The following ULK1 variants were observed in gnomAD, a reference collection of about 807,000 sequenced individuals.
ULK1 encodes unc-51 like autophagy activating kinase 1, also known as serine/threonine-protein kinase ULK1.
Under a neutral mutation model 117.5 loss-of-function variants are expected in ULK1, and 48 were observed. That is an observed-to-expected ratio of 0.41 (90% confidence interval 0.32 to 0.52). The LOEUF is 0.52. ULK1 is among the 20% of genes least tolerant of loss of function. The probability of loss-of-function intolerance (pLI) is 0.29; values close to 1 mark genes in which losing one functional copy is unlikely to be tolerated. For synonymous variants in ULK1, 790 were observed against 637.8 expected (o/e 1.24, Z -3.60); for missense variants, 1,387 against 1,473.4 (o/e 0.94, Z 0.96).
Position 131,921,431 on chromosome 12 carries a change from TC to T in ULK1, c.*72del. ...AGTGGGCTCTGTGTGCTGGCTGGAC[TC>T]CTCGGGACAAGCCCATGGCGCTGAT... On this transcript the variant is annotated 3_prime_UTR_variant, in exon 28 of 28. Coordinates refer to ENST00000321867, the MANE Select transcript of ULK1 (RefSeq NM_003565.4). The T allele has an allele frequency of 6.3e-7, 1 of 1,590,036 alleles. No homozygotes were observed. The highest frequency in any genetic ancestry group is 1.1e-5 in the South Asian group (1 of 90,860).
chr12:131,922,465 ATGT>A lies in ULK1; in HGVS notation c.*1105_*1107del. On this transcript the variant is annotated 3_prime_UTR_variant, in exon 28 of 28. Transcript: ENST00000321867. ...CGTCCAGCTTTGACAGTCAGTTTTGATGTCAGCTCCTCGGCAGGGTAGGCCTGA... is the reference window on the plus strand; with the variant it reads ...CGTCCAGCTTTGACAGTCAGTTTTGACAGCTCCTCGGCAGGGTAGGCCTGA... 1 of 175,598 alleles carries A rather than the reference ATGT, an allele frequency of 5.7e-6. No homozygotes were observed. Among genetic ancestry groups the A allele is most frequent in the South Asian group, 1.1e-4 (1 of 8,816 alleles). 10.9% of individuals were successfully genotyped at this position (175,598 alleles called of 1,614,324 possible). A position where few individuals can be genotyped will look rare whatever the true frequency, so the allele number is the denominator to read the frequency against.
rs773858872 is a variant in ULK1 at position 131,909,760 on chromosome 12, T to G, written c.667-15T>G. ...GGCCGCAGCCCTGGCAGTCAGGCTG[T>G]CCCCGTCCCCGCAGGCCAGCAGCCC... On this transcript the variant is annotated splice_polypyrimidine_tract_variant and intron_variant, in intron 8 of 27. Coordinates refer to ENST00000321867, the MANE Select transcript of ULK1 (RefSeq NM_003565.4). The G allele has an allele frequency of 1.9e-5, 31 of 1,592,886 alleles. No homozygotes were observed. Among genetic ancestry groups the G allele is most frequent in the Middle Eastern group, 1.7e-4 (1 of 5,964 alleles).
chr12:131,908,468 C>T (rs1274545746), intron 5 of ULK1, among the ~76,000 whole-genome samples, 176 bp from the exon 6 acceptor site: 1 of 151,604 alleles, frequency 6.6e-6, no homozygotes, highest in Non-Finnish European at 1.5e-5. Context: ...GCTTCAGGTG[C>T]GCCCTGGTCT....
intron 13 of ULK1, 83 bp from the exon 14 acceptor site, chr12:131,913,115 G>T: frequency 7.4e-7 from 1 of 1,353,686 alleles, no homozygotes; most frequent in African/African-American, 1.5e-5. Flanking sequence ...TGTGCGTGGG[G>T]ATCCAGCAGA....
intron 14 of ULK1, 33 bp downstream of exon 14, chr12:131,913,291 G>A (rs2136398063): frequency 6.6e-7 from 1 of 1,513,542 alleles, no homozygotes; most frequent in Non-Finnish European, 8.8e-7. Flanking sequence ...TGTATTTTAG[G>A]GGAGAGAAAC....
chr12:131,906,563 T>C, intron 3 of ULK1: 1 of 355,962 alleles, frequency 2.8e-6, no homozygotes, highest in Non-Finnish European at 5.2e-6. Flanking sequence ...CTGAGAAGCT[T>C]CTATGGCCTG....
chr12:131,907,027 C>A, intron 4 of ULK1, 103 bp downstream of exon 4: 3 of 1,495,440 alleles, frequency 2.0e-6, no homozygotes, highest in East Asian at 2.3e-5. Context: ...AGCACCTTTT[C>A]TTTTTTTTTG....
rs1432237655 is a variant in ULK1 at position 131,921,008 on chromosome 12, C to T, written c.2962-92C>T. ...GTCACTGCCCTGAGCGCCTATCTGCCACCCCTGGGCCGCTGCCGTGGGTGC... is the reference window on the plus strand; with the variant it reads ...GTCACTGCCCTGAGCGCCTATCTGCTACCCCTGGGCCGCTGCCGTGGGTGC... On this transcript the variant is annotated intron_variant, in intron 26 of 27. Transcript: ENST00000321867. The T allele has an allele frequency of 4.1e-6, 6 of 1,454,642 alleles. No homozygotes were observed. The East Asian group carries it at 1.2e-4, about 30-fold the overall frequency. The allele number at this position is 1,454,642 out of a possible 1,614,324, so 90.1% of individuals were successfully genotyped here. A position where few individuals can be genotyped will look rare whatever the true frequency, so the allele number is the denominator to read the frequency against.
At chr12:131,919,187 C>T (rs781601819) in intron 23 of ULK1, 25 bp from the exon 24 acceptor site, 1 of 1,577,580 alleles carries the variant, frequency 6.3e-7, no homozygotes, top group Admixed American at 1.7e-5. Flanking sequence ...GCAGCACTTG[C>T]CGCCCTGACG....
intron 23 of ULK1, 79 bp downstream of exon 23, chr12:131,918,760 A>ATTGGGTGTGTGGGGTG: frequency 3.7e-6 from 2 of 537,044 alleles, no homozygotes; most frequent in African/African-American, 3.6e-5. Flanking sequence ...TGTGTGGGGT[A>ATTGGGTGTGTGGGGTG]TAGGGTGTGT....
rs557783028 is a variant in ULK1, at chr12:131,915,434, C to T, written c.1609+13C>T. The T allele has an allele frequency of 1.9e-5, 30 of 1,611,518 alleles. No homozygotes were observed. Among genetic ancestry groups the T allele is most frequent in the South Asian group, 9.9e-5 (9 of 91,010 alleles). On this transcript the variant is annotated intron_variant, in intron 18 of 27. Coordinates refer to ENST00000321867, the MANE Select transcript of ULK1 (RefSeq NM_003565.4). ...TCCCCTCGTCCAGGTGGGTGCAGTC[C>T]GGAGGGGGGAGGGGGTGCTAGGCTG... is the stretch of plus-strand genomic sequence containing the variant.
At chr12:131,906,739 G>A (rs1054948684) in intron 3 of ULK1, 153 bp from the exon 4 acceptor site, 2 of 869,188 alleles carry the variant, frequency 2.3e-6, no homozygotes, top group South Asian at 1.5e-5. Flanking sequence ...CAAAGCACGT[G>A]GCCCAGAGAT....
chr12:131,920,498 A>G (rs1055109253), intron 26 of ULK1: 3 of 266,412 alleles, frequency 1.1e-5, no homozygotes, highest in African/African-American at 6.7e-5. Context: ...AGGTGGTACC[A>G]CGGGCAAAGA....
rs773213073 is a variant in ULK1, at chr12:131,915,442, GGA to G, written c.1609+23_1609+24del. The G allele has an allele frequency of 4.3e-6, 7 of 1,610,390 alleles. No individual in the cohort carries two copies. The South Asian group carries it at 7.7e-5, about 18-fold the overall frequency. On this transcript the variant is annotated intron_variant, in intron 18 of 27. Transcript: ENST00000321867. ...TCCAGGTGGGTGCAGTCCGGAGGGG[GGA>G]GGGGGTGCTAGGCTGACCTCCCTCG... is the stretch of plus-strand genomic sequence containing the variant.
intron 19 of ULK1, 60 bp from the exon 20 acceptor site, chr12:131,916,338 C>T: frequency 2.0e-6 from 3 of 1,523,420 alleles, no homozygotes; most frequent in Non-Finnish European, 1.8e-6. Context: ...CTTCCCCAGG[C>T]ACCGGGCCCC....
intron 5 of ULK1, 27 bp downstream of exon 5, chr12:131,907,558 C>T (rs1391388889): frequency 6.9e-6 from 11 of 1,603,162 alleles, no homozygotes; most frequent in Admixed American, 3.4e-5. Context: ...GCCACCTGGG[C>T]TGCCAGCCGG....
chr12:131,894,974 C>A lies in ULK1; in HGVS notation c.-28C>A. ...CCCCGCGCCTTGGCCCGCCACCCCC[C>A]GCCCCGCGCCCCCGGCCCGCCTGCG... On this transcript the variant is annotated 5_prime_UTR_variant, in exon 1 of 28. Coordinates refer to ENST00000321867, the MANE Select transcript of ULK1 (RefSeq NM_003565.4). 5.0e-6 allele frequency: 6 copies of A among 1,208,946 alleles called. No individual in the cohort carries two copies. Among genetic ancestry groups the A allele is most frequent in the Non-Finnish European group, 6.3e-6 (6 of 955,616 alleles). 74.9% of individuals were successfully genotyped at this position (1,208,946 alleles called of 1,614,324 possible). A position where few individuals can be genotyped will look rare whatever the true frequency, so the allele number is the denominator to read the frequency against.
At position 131,915,097 on chromosome 12, in the gene ULK1, G is replaced by T. The variant is rs1243631701; in HGVS notation, c.1388G>T (p.Arg463Leu). ...QFQTPRSSAI[R>L]RSGSTSPLGF... Reference sequence around the variant, plus strand: ...CTTGTCTTCAGGTCCTCTGCCATCCGCAGGTCAGGCAGCACCAGCCCCCTG... The same window carrying T: ...CTTGTCTTCAGGTCCTCTGCCATCCTCAGGTCAGGCAGCACCAGCCCCCTG... The change falls in exon 17 of 28, where the codon CGC (arginine) becomes CTC (leucine). Residue 463 changes from arginine (R) to leucine (L), a missense_variant. Transcript: ENST00000321867. The T allele has an allele frequency of 1.3e-6, 2 of 1,551,630 alleles. No individual in the cohort carries two copies. Among genetic ancestry groups the T allele is most frequent in the Non-Finnish European group, 1.7e-6 (2 of 1,150,214 alleles).
Position 131,918,487 on chromosome 12 carries a change from C to T in ULK1, c.2327-10C>T. 1 of 1,607,606 alleles carries T rather than the reference C, an allele frequency of 6.2e-7. No individual in the cohort carries two copies. Among genetic ancestry groups the T allele is most frequent in the South Asian group, 1.1e-5 (1 of 90,114 alleles). Reference sequence around the variant, plus strand: ...GTCCTGGTGTGCCCCTCATCGCCCTCTCCCTGCAGCGGGCCCCACTGGCTC... The same window carrying T: ...GTCCTGGTGTGCCCCTCATCGCCCTTTCCCTGCAGCGGGCCCCACTGGCTC... On this transcript the variant is annotated splice_polypyrimidine_tract_variant and intron_variant, in intron 22 of 27. Coordinates refer to ENST00000321867, the MANE Select transcript of ULK1 (RefSeq NM_003565.4).
Sources: allele counts gnomAD v4.1 joint callset (sites outside exome capture counted in the v4.1 genomes callset), GRCh38; gene constraint gnomAD v4.1.1; transcripts MANE v1.5; gene names NCBI Gene and HGNC (gene_info 2026-07-23, HGNC 2026-07-21).